The following SMYD3 variants were observed in gnomAD, a reference collection of about 807,000 sequenced individuals.
SMYD3 encodes the protein SET and MYND domain containing 3.
SMYD3 carries 36 observed loss-of-function variants against 57.7 expected under a neutral mutation model. The ratio of observed to expected loss-of-function variants is 0.62; its 90% CI spans 0.48 to 0.82. The LOEUF (loss-of-function observed/expected upper bound fraction) is 0.82. SMYD3 is among the 40% of genes least tolerant of loss of function. The pLI, the probability that SMYD3 is intolerant of heterozygous loss-of-function variation, is 0.00. For missense variants in SMYD3, 515 were observed against 538.8 expected (o/e 0.96, Z 0.44); for synonymous variants, 211 against 195.0 (o/e 1.08, Z -0.68).
chr1:246,150,421 A>G (rs4607842), intron 5 of SMYD3, among the ~76,000 whole-genome samples: 36,613 of 152,082 alleles, frequency 0.24, 5,341 homozygotes, highest in African/African-American at 0.4. Context: ...ACTTATTCTG[A>G]AGGGTTGTAT....
intron 10 of SMYD3, among the ~76,000 whole-genome samples, chr1:245,777,425 CTA>C (rs2046652111): frequency 6.6e-6 from 1 of 152,070 alleles, no homozygotes; most frequent in African/African-American, 2.4e-5. Context: ...TTAAAAATAA[CTA>C]TATTTTAAGG....
intron 1 of SMYD3, among the ~76,000 whole-genome samples, chr1:246,441,356 T>C (rs1399022856): frequency 1.3e-5 from 2 of 152,142 alleles, no homozygotes; most frequent in Admixed American, 6.5e-5. Context: ...TTACACTGAC[T>C]CCAAGTTATC....
chr1:246,109,482 G>GA (rs1304796540), intron 5 of SMYD3, among the ~76,000 whole-genome samples: 1 of 152,082 alleles, frequency 6.6e-6, no homozygotes, highest in Non-Finnish European at 1.5e-5. Flanking sequence ...GAATTTAAGG[G>GA]AAAATAAATA....
chr1:246,182,913 A>G (rs931406802), intron 5 of SMYD3, among the ~76,000 whole-genome samples: 4 of 152,208 alleles, frequency 2.6e-5, no homozygotes, highest in Admixed American at 2.6e-4. Context: ...GACCCGGCTG[A>G]GAAGACACTA....
At chr1:246,144,599 A>G (rs1299055737) in intron 5 of SMYD3, among the ~76,000 whole-genome samples, 1 of 152,090 alleles carries the variant, frequency 6.6e-6, no homozygotes, top group Non-Finnish European at 1.5e-5. Context: ...TTATCTTTTT[A>G]TTTTTCCTCC....
chr1:246,100,551 G>A (rs998730237), intron 5 of SMYD3, among the ~76,000 whole-genome samples: 1 of 152,150 alleles, frequency 6.6e-6, no homozygotes, highest in Non-Finnish European at 1.5e-5. Context: ...TGACGCTCAG[G>A]ACTGGACAAA....
intron 10 of SMYD3, among the ~76,000 whole-genome samples, chr1:245,850,356 T>C (rs2050900618): frequency 6.6e-6 from 1 of 152,292 alleles, no homozygotes; most frequent in South Asian, 2.1e-4. Flanking sequence ...ATTTTACACA[T>C]TATTTTATAG....
At chr1:245,830,949 G>C (rs2049800332) in intron 10 of SMYD3, among the ~76,000 whole-genome samples, 1 of 151,998 alleles carries the variant, frequency 6.6e-6, no homozygotes, top group Non-Finnish European at 1.5e-5. Flanking sequence ...TTGCCAGCTG[G>C]TCCTGCCCCC....
intron 1 of SMYD3, among the ~76,000 whole-genome samples, chr1:246,394,034 G>C (rs1304865719): frequency 6.6e-6 from 1 of 152,102 alleles, no homozygotes; most frequent in Admixed American, 6.5e-5. Context: ...AGAAAATAAA[G>C]AAAACCTAAT....
Position 246,200,040 on chromosome 1 carries a change from G to GC in SMYD3, c.531+127160dup, listed in dbSNP as rs1219063353. ...TAGAAGAGAACAGTGTAGACTCTGA[G>GC]CAAGAATGTACACAAACACCCACTG... On this transcript the variant is annotated intron_variant, in intron 5 of 11. Coordinates refer to ENST00000490107, the MANE Select transcript of SMYD3 (RefSeq NM_001167740.2). 7.2e-5 allele frequency among the ~76,000 whole-genome samples: 11 copies of GC among 151,960 alleles called. No individual in the cohort carries two copies. The South Asian group carries it at 1.9e-3, about 26-fold the overall frequency.
At position 246,378,852 on chromosome 1, in the gene SMYD3, T is replaced by A. The variant is rs540644898; in HGVS notation, c.165-23758A>T. 3.6e-3 allele frequency among the ~76,000 whole-genome samples: 440 copies of A among 122,042 alleles called. 3 individuals carry two copies. The highest frequency in any genetic ancestry group is 7.6e-3 in the Middle Eastern group (2 of 264). 80.1% of individuals were successfully genotyped at this position (122,042 alleles called of 152,430 possible). A position where few individuals can be genotyped will look rare whatever the true frequency, so the allele number is the denominator to read the frequency against. On this transcript the variant is annotated intron_variant, in intron 1 of 11. Coordinates refer to ENST00000490107, the MANE Select transcript of SMYD3 (RefSeq NM_001167740.2). ...AGTATATATAATTATATATAATATATTTATATAGTATATATAAATATATTA... is the reference window on the plus strand; with the variant it reads ...AGTATATATAATTATATATAATATAATTATATAGTATATATAAATATATTA...
At chr1:245,855,597 A>G (rs1051208291) in intron 10 of SMYD3, among the ~76,000 whole-genome samples, 1 of 152,242 alleles carries the variant, frequency 6.6e-6, no homozygotes, top group Non-Finnish European at 1.5e-5. Flanking sequence ...TGCCGATACT[A>G]TCAGAAGACA....
At chr1:245,788,169 C>A (rs1420228609) in intron 10 of SMYD3, among the ~76,000 whole-genome samples, 1 of 141,430 alleles carries the variant, frequency 7.1e-6, no homozygotes, top group Non-Finnish European at 1.5e-5. Context: ...GGTGACCAGA[C>A]TAGCACAGGG....
chr1:246,200,231 TAC>T (rs2062894304), intron 5 of SMYD3, among the ~76,000 whole-genome samples: 1 of 151,878 alleles, frequency 6.6e-6, no homozygotes, highest in Non-Finnish European at 1.5e-5. Context: ...AGCAAGAATG[TAC>T]ACAGATGCCC....
At position 245,955,033 on chromosome 1, in the gene SMYD3, C is replaced by T. The variant is rs570957068; in HGVS notation, c.532-25096G>A. Among the ~76,000 whole-genome samples the T allele has an allele frequency of 3.3e-5, 5 of 152,304 alleles. No homozygotes were observed. In the East Asian group the frequency reaches 9.6e-4, roughly 29 times the overall value. ...CCATCCTGTGTTTCCCTGCACCCAA[C>T]ACGTATTTCAGTTATCCTGGCTTCT... On this transcript the variant is annotated intron_variant, in intron 5 of 11. Transcript: ENST00000490107.
chr1:245,921,549 GTATA>G (rs143521072), intron 7 of SMYD3, among the ~76,000 whole-genome samples: 1,962 of 141,316 alleles, frequency 0.014, 48 homozygotes, highest in African/African-American at 0.02. Context: ...AAAATGTGGT[GTATA>G]TATATATATA....
In SMYD3 at chr1:246,348,060, T is replaced by TTATATATATATATATATA. The variant is rs200573424; in HGVS notation, c.228+6953_228+6970dup. ...ATTGGTGGACTGAATAAAGAAAACG[T>TTATATATATATATATATA]TATATATATATATATATACACACAC... On this transcript the variant is annotated intron_variant, in intron 2 of 11. Transcript: ENST00000490107. Among the ~76,000 whole-genome samples, 222 of 82,966 alleles carry TTATATATATATATATATA rather than the reference T, an allele frequency of 2.7e-3. 7 individuals carry two copies. Among genetic ancestry groups the TTATATATATATATATATA allele is most frequent in the African/African-American group, 8.4e-3 (198 of 23,674 alleles). The allele number at this position is 82,966 out of a possible 152,430, so 54.4% of individuals were successfully genotyped here.
chr1:246,450,282 A>T (rs1014411393), intron 1 of SMYD3, among the ~76,000 whole-genome samples: 1 of 151,120 alleles, frequency 6.6e-6, no homozygotes, highest in African/African-American at 2.4e-5. Context: ...CAAAAGCGAA[A>T]CTCTATCTCA....
chr1:246,063,773 G>C (rs1036902663), intron 5 of SMYD3, among the ~76,000 whole-genome samples: 3 of 152,022 alleles, frequency 2.0e-5, no homozygotes, highest in Admixed American at 1.3e-4. Context: ...CCGAGTAGCT[G>C]GGATTACAGG....
Sources: allele counts gnomAD v4.1 joint callset (sites outside exome capture counted in the v4.1 genomes callset), GRCh38; gene constraint gnomAD v4.1.1; transcripts MANE v1.5; gene names NCBI Gene and HGNC (gene_info 2026-07-23, HGNC 2026-07-21).